Variants in ST6GALNAC5 observed in about 807,000 individuals in gnomAD.
The protein encoded by ST6GALNAC5 is ST6 N-acetylgalactosaminide alpha-2,6-sialyltransferase 5, also known as alpha-N-acetylgalactosaminide alpha-2,6-sialyltransferase 5.
In ST6GALNAC5, 27 loss-of-function variants were observed where a neutral mutation model predicts 33.6. The ratio of observed to expected loss-of-function variants is 0.80; its 90% CI spans 0.59 to 1.11. The LOEUF (loss-of-function observed/expected upper bound fraction) is 1.11. Ranked by LOEUF, ST6GALNAC5 falls within the 50% of genes least tolerant of loss-of-function variation. The pLI, the probability that ST6GALNAC5 is intolerant of heterozygous loss-of-function variation, is 0.00. For missense variants in ST6GALNAC5, 428 were observed against 454.0 expected (o/e 0.94, Z 0.52); for synonymous variants, 194 against 171.2 (o/e 1.13, Z -1.04).
intron 2 of ST6GALNAC5, among the ~76,000 whole-genome samples, chr1:77,009,864 T>TA (rs1358475506): frequency 6.6e-6 from 1 of 152,244 alleles, no homozygotes; most frequent in African/African-American, 2.4e-5. Context: ...TACTTTTTTT[T>TA]AATAGAGTGA....
At chr1:76,973,910 A>ATTGTT (rs78541791) in intron 2 of ST6GALNAC5, among the ~76,000 whole-genome samples, 1 of 151,312 alleles carries the variant, frequency 6.6e-6, no homozygotes. Flanking sequence ...TTCTGTTTGG[A>ATTGTT]TTATTAGCCT....
At chr1:77,026,095 G>T (rs866258306) in intron 2 of ST6GALNAC5, among the ~76,000 whole-genome samples, 1 of 152,230 alleles carries the variant, frequency 6.6e-6, no homozygotes, top group East Asian at 1.9e-4. Flanking sequence ...CCTTGGGCAA[G>T]TTCCTTCGCC....
At chr1:76,948,204 C>T (rs760362316) in intron 2 of ST6GALNAC5, among the ~76,000 whole-genome samples, 1 of 152,066 alleles carries the variant, frequency 6.6e-6, no homozygotes, top group Non-Finnish European at 1.5e-5. Flanking sequence ...TGTGAAACCC[C>T]CCACCTTTGC....
intron 2 of ST6GALNAC5, among the ~76,000 whole-genome samples, chr1:77,024,079 T>C (rs1651148647): frequency 6.6e-6 from 1 of 152,194 alleles, no homozygotes; most frequent in African/African-American, 2.4e-5. Flanking sequence ...GGCTGCTTGG[T>C]CAGTGTGGGC....
intron 2 of ST6GALNAC5, among the ~76,000 whole-genome samples, chr1:77,019,393 A>T (rs552626488): frequency 1.3e-5 from 2 of 152,276 alleles, no homozygotes; most frequent in South Asian, 4.2e-4. Context: ...TGTTTTCATC[A>T]CTGTGTTCTG....
At chr1:76,907,479 C>T (rs1483148786) in intron 2 of ST6GALNAC5, among the ~76,000 whole-genome samples, 1 of 152,106 alleles carries the variant, frequency 6.6e-6, no homozygotes, top group Non-Finnish European at 1.5e-5. Context: ...TGTGAAGTAA[C>T]AATAACAAGT....
chr1:77,037,998 T>C (rs1244756495), intron 2 of ST6GALNAC5, among the ~76,000 whole-genome samples: 2 of 152,208 alleles, frequency 1.3e-5, no homozygotes, highest in Admixed American at 6.5e-5. Context: ...TATCTTCGTG[T>C]CATAGATGAA....
At chr1:77,015,044 C>CACACAA in intron 2 of ST6GALNAC5, among the ~76,000 whole-genome samples, 1 of 109,098 alleles carries the variant, frequency 9.2e-6, no homozygotes, top group Admixed American at 1.1e-4. Flanking sequence ...AGGACACTCG[C>CACACAA]ACACAAACAC....
intron 2 of ST6GALNAC5, among the ~76,000 whole-genome samples, chr1:76,960,285 C>T (rs934476984): frequency 5.3e-5 from 8 of 151,536 alleles, no homozygotes; most frequent in East Asian, 1.9e-4. Context: ...TGATGCCCCC[C>T]GAGCCATAAA....
chr1:77,003,488 T>A (rs1206523594), intron 2 of ST6GALNAC5, among the ~76,000 whole-genome samples: 1 of 150,530 alleles, frequency 6.6e-6, no homozygotes, highest in Non-Finnish European at 1.5e-5. Context: ...TTAGTCCATT[T>A]ACATTTAAAG....
intron 2 of ST6GALNAC5, among the ~76,000 whole-genome samples, chr1:77,018,398 C>G (rs1650930342): frequency 6.6e-6 from 1 of 152,236 alleles, no homozygotes; most frequent in South Asian, 2.1e-4. Context: ...TACAAACATT[C>G]ATATTCCTCA....
chr1:77,046,836 A>G (rs978977919), intron 3 of ST6GALNAC5, among the ~76,000 whole-genome samples: 1 of 152,192 alleles, frequency 6.6e-6, no homozygotes, highest in African/African-American at 2.4e-5. Flanking sequence ...CACTGCCGCA[A>G]TGTTAGCTAT....
At chr1:76,945,938 G>A (rs1021337139) in intron 2 of ST6GALNAC5, among the ~76,000 whole-genome samples, 1 of 151,958 alleles carries the variant, frequency 6.6e-6, no homozygotes, top group South Asian at 2.1e-4. Context: ...CTTTGATTCC[G>A]GGAATGAGGC....
At chr1:76,883,172 A>G (rs1283614426) in intron 2 of ST6GALNAC5, among the ~76,000 whole-genome samples, 4 of 152,204 alleles carry the variant, frequency 2.6e-5, no homozygotes, top group Non-Finnish European at 5.9e-5. Context: ...CCACAGGAAA[A>G]TCAGTGGAGG....
intron 2 of ST6GALNAC5, among the ~76,000 whole-genome samples, chr1:77,010,206 A>G (rs966588113): frequency 6.6e-6 from 1 of 152,168 alleles, no homozygotes; most frequent in Non-Finnish European, 1.5e-5. Context: ...TTTAAAAATA[A>G]CAACCTTGGG....
At chr1:76,981,428 G>C (rs1399485032) in intron 2 of ST6GALNAC5, among the ~76,000 whole-genome samples, 1 of 152,188 alleles carries the variant, frequency 6.6e-6, no homozygotes, top group Non-Finnish European at 1.5e-5. Flanking sequence ...CTGCAGCGTG[G>C]CTGGGGGAGG....
intron 4 of ST6GALNAC5, among the ~76,000 whole-genome samples, chr1:77,055,914 TG>T (rs1201789857): frequency 1.3e-5 from 2 of 152,190 alleles, no homozygotes; most frequent in Non-Finnish European, 2.9e-5. Flanking sequence ...TCCATGGGGG[TG>T]TTTAAGAGAT....
Position 77,056,743 on chromosome 1 carries a change from CT to C in ST6GALNAC5, c.780-6231del, listed in dbSNP as rs536423948. 2.5e-3 allele frequency among the ~76,000 whole-genome samples: 376 copies of C among 152,300 alleles called. 3 individuals carry two copies. Among genetic ancestry groups the C allele is most frequent in the African/African-American group, 8.6e-3 (359 of 41,564 alleles). On this transcript the variant is annotated intron_variant, in intron 4 of 4. Transcript: ENST00000477717. ...AGACTTAAAATATATGGTTGTGTTT[CT>C]CCCAGGGTGAGGGTGGGGCTTGAGT...
At chr1:76,934,313 G>A (rs549181499) in intron 2 of ST6GALNAC5, among the ~76,000 whole-genome samples, 2 of 152,112 alleles carry the variant, frequency 1.3e-5, no homozygotes, top group South Asian at 4.1e-4. Context: ...AGTTACAATT[G>A]TATTTCTCTT....
Sources: gnomAD v4.1 joint callset for allele counts (sites outside exome capture counted in the v4.1 genomes callset) on GRCh38, gnomAD v4.1.1 for gene constraint, MANE v1.5 for transcripts, NCBI Gene and HGNC (gene_info 2026-07-23, HGNC 2026-07-21) for gene names.